C8orf34: variants seen among roughly 807,000 people sequenced by gnomAD.
The protein encoded by C8orf34 is uncharacterized protein C8orf34.
In C8orf34, 65 loss-of-function variants were observed where a neutral mutation model predicts 68.3. The ratio of observed to expected loss-of-function variants is 0.95; its 90% CI spans 0.78 to 1.17. The LOEUF is 1.17. C8orf34 is among the 50% of genes most tolerant of loss of function. The pLI is 0.00. For synonymous variants in C8orf34, 244 were observed against 241.2 expected, an observed-to-expected ratio of 1.01 and a Z score of -0.11; for missense variants, 664 against 655.4, an observed-to-expected ratio of 1.01 and a Z score of -0.14.
At chr8:68,574,101 C>G (rs1816832714) in intron 7 of C8orf34, among the ~76,000 whole-genome samples, 2 of 151,994 alleles carry the variant, frequency 1.3e-5, no homozygotes, top group Non-Finnish European at 2.9e-5. Flanking sequence ...ATAAAACTAT[C>G]ATATGTTATG....
chr8:68,538,290 G>A (rs1396470299), intron 7 of C8orf34, among the ~76,000 whole-genome samples: 1 of 152,084 alleles, frequency 6.6e-6, no homozygotes. Flanking sequence ...AGTGGTATAT[G>A]GCCAAAGCAC....
chr8:68,355,397 T>C (rs529470620), intron 1 of C8orf34, among the ~76,000 whole-genome samples: 6 of 152,188 alleles, frequency 3.9e-5, no homozygotes, highest in African/African-American at 1.2e-4. Flanking sequence ...AACATTGGAG[T>C]CTTCATCTGC....
chr8:68,657,099 T>C (rs1819531029), intron 8 of C8orf34, among the ~76,000 whole-genome samples: 1 of 152,178 alleles, frequency 6.6e-6, no homozygotes, highest in African/African-American at 2.4e-5. Context: ...TCATATGCCC[T>C]ATGGTTTCCT....
chr8:68,750,579 T>G (rs1376751437), intron 10 of C8orf34, among the ~76,000 whole-genome samples: 1 of 152,184 alleles, frequency 6.6e-6, no homozygotes, highest in Admixed American at 6.5e-5. Context: ...CATTCAATCT[T>G]AACTTTAAAA....
At chr8:68,815,607 T>C (rs1204476994) in intron 12 of C8orf34, among the ~76,000 whole-genome samples, 2 of 152,112 alleles carry the variant, frequency 1.3e-5, no homozygotes, top group African/African-American at 4.8e-5. Context: ...ACAGACTACA[T>C]ACATATCCAG....
At chr8:68,745,596 T>G (rs982913811) in intron 10 of C8orf34, among the ~76,000 whole-genome samples, 2 of 151,968 alleles carry the variant, frequency 1.3e-5, no homozygotes, top group South Asian at 4.2e-4. Flanking sequence ...TAGTCTCTGA[T>G]AAAACAGACT....
chr8:68,813,547 A>C (rs1195257016), intron 12 of C8orf34, among the ~76,000 whole-genome samples: 1 of 152,052 alleles, frequency 6.6e-6, no homozygotes. Context: ...TTAAAATAAT[A>C]CTTTACATGC....
intron 8 of C8orf34, among the ~76,000 whole-genome samples, chr8:68,688,326 C>A (rs115101085): frequency 0.025 from 3,825 of 151,968 alleles, 154 homozygotes; most frequent in African/African-American, 0.087. Context: ...CAGCACAATT[C>A]GCAATTGCAA....
At chr8:68,687,393 C>T (rs28843738) in intron 8 of C8orf34, among the ~76,000 whole-genome samples, 19,480 of 151,886 alleles carry the variant, frequency 0.13, 1,926 homozygotes, top group African/African-American at 0.27. Context: ...CAAAATAGCA[C>T]GATACTGGTA....
intron 4 of C8orf34, among the ~76,000 whole-genome samples, chr8:68,469,873 TA>T (rs1812306661): frequency 5.8e-5 from 1 of 17,334 alleles, no homozygotes; most frequent in Non-Finnish European, 1.0e-4. Flanking sequence ...GAAAGAAGTT[TA>T]TATATATATA....
At chr8:68,614,776 T>C (rs539189076) in intron 7 of C8orf34, among the ~76,000 whole-genome samples, 189 of 152,312 alleles carry the variant, frequency 1.2e-3, no homozygotes, top group African/African-American at 4.4e-3. Context: ...ATGTGGGCTC[T>C]TTTTTGGTTC....
At chr8:68,613,351 G>T (rs1226327820) in intron 7 of C8orf34, among the ~76,000 whole-genome samples, 1 of 151,446 alleles carries the variant, frequency 6.6e-6, no homozygotes, top group East Asian at 1.9e-4. Context: ...GTGCAGGTTA[G>T]TTACATATGT....
chr8:68,520,543 C>T (rs569477850), intron 5 of C8orf34, among the ~76,000 whole-genome samples: 12 of 152,140 alleles, frequency 7.9e-5, no homozygotes, highest in Non-Finnish European at 1.3e-4. Flanking sequence ...CTCCACCTCC[C>T]GGGTTCACAC....
intron 3 of C8orf34, among the ~76,000 whole-genome samples, chr8:68,453,871 T>G (rs1563451357): frequency 6.6e-6 from 1 of 152,016 alleles, no homozygotes; most frequent in Non-Finnish European, 1.5e-5. Flanking sequence ...AGGGAAATAC[T>G]TTTGGTCTTG....
chr8:68,602,053 C>T (rs544823390), intron 7 of C8orf34, among the ~76,000 whole-genome samples: 4 of 152,084 alleles, frequency 2.6e-5, no homozygotes, highest in East Asian at 1.9e-4. Context: ...CTCACTGCCT[C>T]GTGGGGCCTA....
intron 4 of C8orf34, among the ~76,000 whole-genome samples, chr8:68,473,775 A>G (rs935132456): frequency 6.6e-6 from 1 of 152,126 alleles, no homozygotes; most frequent in Non-Finnish European, 1.5e-5. Flanking sequence ...AATCGCACCT[A>G]TACTTCTGAA....
chr8:68,548,322 ACTC>A, intron 7 of C8orf34, among the ~76,000 whole-genome samples: 1 of 151,816 alleles, frequency 6.6e-6, no homozygotes. Context: ...TATATACAGA[ACTC>A]CTGCAAATCA....
chr8:68,808,705 C>A (rs2129529845), intron 12 of C8orf34, among the ~76,000 whole-genome samples: 1 of 152,040 alleles, frequency 6.6e-6, no homozygotes, highest in Non-Finnish European at 1.5e-5. Context: ...TTATGAGGGA[C>A]TTGAGCATTT....
At chr8:68,444,405 T>C (rs1459275483) in intron 2 of C8orf34, among the ~76,000 whole-genome samples, 1 of 152,094 alleles carries the variant, frequency 6.6e-6, no homozygotes, top group Non-Finnish European at 1.5e-5. Context: ...CTTTCCATTA[T>C]AAATATTTTT....
Sources: allele counts gnomAD v4.1 joint callset (sites outside exome capture counted in the v4.1 genomes callset), GRCh38; gene constraint gnomAD v4.1.1; transcripts MANE v1.5; gene names NCBI Gene and HGNC (gene_info 2026-07-23, HGNC 2026-07-21).